CRYL1: variants seen among roughly 807,000 people sequenced by gnomAD.
The protein encoded by CRYL1 is lambda-crystallin homolog.
Under a neutral mutation model 36.6 loss-of-function variants are expected in CRYL1, and 29 were observed. The ratio of observed to expected loss-of-function variants is 0.79; its 90% CI spans 0.59 to 1.08. The LOEUF is 1.08. Ranked by LOEUF, CRYL1 falls within the 50% of genes least tolerant of loss-of-function variation. The probability of loss-of-function intolerance (pLI) is 0.00; values close to 1 mark genes in which losing one functional copy is unlikely to be tolerated. For missense variants in CRYL1, 411 were observed against 407.9 expected (o/e 1.01, Z -0.06); for synonymous variants, 152 against 151.5 (o/e 1.00, Z -0.02).
intron 3 of CRYL1, among the ~76,000 whole-genome samples, chr13:20,461,669 CCA>C: frequency 6.6e-6 from 1 of 152,142 alleles, no homozygotes; most frequent in Admixed American, 6.5e-5. Flanking sequence ...ATGACTCACC[CCA>C]TCTCAGGATC....
At chr13:20,422,302 A>G (rs1381619014) in intron 5 of CRYL1, among the ~76,000 whole-genome samples, 1 of 151,056 alleles carries the variant, frequency 6.6e-6, no homozygotes, top group East Asian at 1.9e-4. Flanking sequence ...GGAGATTGCC[A>G]TGAGCCGAGA....
intron 2 of CRYL1, among the ~76,000 whole-genome samples, chr13:20,499,493 GA>G (rs34288083): frequency 0.87 from 131,013 of 150,220 alleles, 59,645 homozygotes; most frequent in East Asian, 1. Flanking sequence ...CTAAAAAAAT[GA>G]AAAAAAAAAT....
chr13:20,493,282 T>C (rs1178076611), intron 2 of CRYL1, among the ~76,000 whole-genome samples: 3 of 152,216 alleles, frequency 2.0e-5, no homozygotes, highest in African/African-American at 7.2e-5. Flanking sequence ...TCTGGGCCAA[T>C]GGCAGAGGCC....
intron 2 of CRYL1, among the ~76,000 whole-genome samples, chr13:20,491,179 T>G (rs1279859310): frequency 6.6e-6 from 1 of 152,188 alleles, no homozygotes; most frequent in Non-Finnish European, 1.5e-5. Flanking sequence ...AGTGCTGGGA[T>G]TATAAGCGTG....
In CRYL1 at chr13:20,413,368, C is replaced by G; in HGVS notation, c.653G>C (p.Ser218Thr). 6.2e-7 allele frequency: 1 copy of G among 1,612,718 alleles called. No homozygotes were observed. The highest frequency in any genetic ancestry group is 8.5e-7 in the Non-Finnish European group (1 of 1,179,124). Residue 218 changes from serine (S) to threonine (T), a missense_variant, in exon 6 of 8, where the codon AGT becomes ACT. Ser to Thr is a moderately conservative substitution (Grantham distance 58). Transcript: ENST00000298248. Reference sequence around the variant, plus strand: ...TTCTGACATGACAAGGTCCAGGTCACTAGGAGACACGATTCCTTCCTACGT... The same window carrying G: ...TTCTGACATGACAAGGTCCAGGTCAGTAGGAGACACGATTCCTTCCTACGT... ...RLVEEGIVSP[S>T]DLDLVMSEGL...
intron 6 of CRYL1, among the ~76,000 whole-genome samples, chr13:20,411,361 T>G (rs1368704711): frequency 6.6e-6 from 1 of 152,228 alleles, no homozygotes; most frequent in Non-Finnish European, 1.5e-5. Flanking sequence ...TCTGCCACTC[T>G]ATTTGATTCT....
chr13:20,480,753 G>C (rs1593474864), intron 3 of CRYL1, among the ~76,000 whole-genome samples: 1 of 152,190 alleles, frequency 6.6e-6, no homozygotes, highest in Non-Finnish European at 1.5e-5. Flanking sequence ...TGCTGGCCAT[G>C]TTTAGTCCTC....
intron 3 of CRYL1, among the ~76,000 whole-genome samples, chr13:20,450,193 C>A (rs2032539627): frequency 6.6e-6 from 1 of 152,140 alleles, no homozygotes. Flanking sequence ...TCAAATTATA[C>A]TATAAGGCTA....
chr13:20,453,983 T>C (rs1025032352), intron 3 of CRYL1, among the ~76,000 whole-genome samples: 5 of 152,182 alleles, frequency 3.3e-5, no homozygotes, highest in African/African-American at 1.2e-4. Context: ...ATTAGTCTAT[T>C]TATAGGAAAG....
At chr13:20,500,263 A>G (rs1178873731) in intron 2 of CRYL1, among the ~76,000 whole-genome samples, 1 of 152,252 alleles carries the variant, frequency 6.6e-6, no homozygotes, top group Non-Finnish European at 1.5e-5. Context: ...TCTTTTAAGT[A>G]TAGTGAGTAG....
intron 2 of CRYL1, among the ~76,000 whole-genome samples, chr13:20,510,896 A>G (rs2033903070): frequency 6.6e-6 from 1 of 151,872 alleles, no homozygotes. Flanking sequence ...TTACTAGGCC[A>G]CAAGCTCCGT....
rs142692710 is a variant in CRYL1, at chr13:20,457,549, C to T, written c.277-17795G>A. Among the ~76,000 whole-genome samples, 24 of 152,284 alleles carry T rather than the reference C, an allele frequency of 1.6e-4. No individual in the cohort carries two copies. In the East Asian group the frequency reaches 3.9e-3, roughly 24 times the overall value. The stretch of plus-strand genomic sequence containing the variant: ...ACTCATTCGATTCCAGAAAAAATTA[C>T]GTAAAACATATCACCAAGCCTGTGG... On this transcript the variant is annotated intron_variant, in intron 3 of 7. Coordinates refer to ENST00000298248, the MANE Select transcript of CRYL1 (RefSeq NM_015974.3).
chr13:20,508,096 G>A (rs1803558576), intron 2 of CRYL1, among the ~76,000 whole-genome samples: 2 of 152,066 alleles, frequency 1.3e-5, no homozygotes, highest in Non-Finnish European at 2.9e-5. Context: ...GGGCGTGGTG[G>A]TGCACACCCC....
At position 20,433,725 on chromosome 13, in the gene CRYL1, C is replaced by T. The variant is rs59739928; in HGVS notation, c.439-1429G>A. 7.3e-3 allele frequency: 1,132 copies of T among 154,540 alleles called. 17 individuals carry two copies. The highest frequency in any genetic ancestry group is 0.025 in the African/African-American group (1,052 of 41,652). The allele number at this position is 154,540 out of a possible 1,614,324, so 9.6% of individuals were successfully genotyped here. On this transcript the variant is annotated intron_variant, in intron 4 of 7. Coordinates refer to ENST00000298248, the MANE Select transcript of CRYL1 (RefSeq NM_015974.3). Reference sequence around the variant, plus strand: ...GAATTTTACCTTATTTTATATAAAGCAGGCATGCTGGGATTGGGGTCTTTC... The same window carrying T: ...GAATTTTACCTTATTTTATATAAAGTAGGCATGCTGGGATTGGGGTCTTTC...
At chr13:20,522,911 CTTTTTTTTTTTT>C (rs386378385) in intron 1 of CRYL1, among the ~76,000 whole-genome samples, 2 of 82,956 alleles carry the variant, frequency 2.4e-5, no homozygotes, top group Non-Finnish European at 4.3e-5. Context: ...CCCATTTCTA[CTTTTTTTTTTTT>C]TTTTTTTTTT....
intron 1 of CRYL1, among the ~76,000 whole-genome samples, chr13:20,512,916 G>A (rs973872003): frequency 5.3e-5 from 8 of 152,178 alleles, no homozygotes; most frequent in African/African-American, 1.9e-4. Flanking sequence ...ACAATGTGTT[G>A]TATATTTCAG....
rs888006406 is a variant in CRYL1, at chr13:20,481,391, A to T, written c.276+7979T>A. Among the ~76,000 whole-genome samples, 9 of 152,318 alleles carry T rather than the reference A, an allele frequency of 5.9e-5. No homozygotes were observed. The South Asian group carries it at 1.7e-3, about 28-fold the overall frequency. On this transcript the variant is annotated intron_variant, in intron 3 of 7. Transcript: ENST00000298248. The surrounding 1 kb of genome is among the most constrained non-coding windows in gnomAD (Gnocchi z 4.1). ...ATAACATTCTGGAGAAGGCAAAACT[A>T]TAGGGACAAAGAACAGATCAGTGGT...
rs1204997405 is a variant in CRYL1, at chr13:20,415,132, C to T, written c.634-1745G>A. ...CCGGGGCACCTCCCCTCGCCCGCACCCGGCCCCAGTCCCTCCCAGGCTTGC... is the reference window on the plus strand; with the variant it reads ...CCGGGGCACCTCCCCTCGCCCGCACTCGGCCCCAGTCCCTCCCAGGCTTGC... On this transcript the variant is annotated intron_variant, in intron 5 of 7. Coordinates refer to ENST00000298248, the MANE Select transcript of CRYL1 (RefSeq NM_015974.3). This position sits in a 1 kb window ranked among gnomAD's most constrained non-coding sequence, Gnocchi z 4.1. Among the ~76,000 whole-genome samples the T allele has an allele frequency of 2.6e-5, 4 of 152,334 alleles. No individual in the cohort carries two copies. The highest frequency in any genetic ancestry group is 3.4e-3 in the Middle Eastern group (1 of 292).
At chr13:20,514,722 A>C (rs2033970534) in intron 1 of CRYL1, among the ~76,000 whole-genome samples, 1 of 152,224 alleles carries the variant, frequency 6.6e-6, no homozygotes, top group Non-Finnish European at 1.5e-5. Flanking sequence ...CAAATGCACC[A>C]TATTAATGTA....
Sources: gnomAD v4.1 joint callset for allele counts (sites outside exome capture counted in the v4.1 genomes callset) on GRCh38, gnomAD v4.1.1 for gene constraint, Gnocchi (gnomAD v3.1) non-coding constraint, MANE v1.5 for transcripts, NCBI Gene and HGNC (gene_info 2026-07-23, HGNC 2026-07-21) for gene names.